The following MYT1L variants were observed in gnomAD, a reference collection of about 807,000 sequenced individuals.
MYT1L encodes myelin transcription factor 1 like.
MYT1L carries 12 observed loss-of-function variants against 126.7 expected under a neutral mutation model. That is an observed-to-expected ratio of 0.09 (90% CI 0.06 to 0.15). MYT1L has a LOEUF of 0.15. Ranked by LOEUF, MYT1L falls within the 10% of genes least tolerant of loss-of-function variation. The pLI is 1.00. For synonymous variants in MYT1L, 541 were observed against 604.2 expected, an observed-to-expected ratio of 0.90 and a Z score of 1.53; for missense variants, 979 against 1,585.2, an observed-to-expected ratio of 0.62 and a Z score of 6.49.
chr2:2,295,604 ACAGACAGAGAGAGAG>A (rs2095666261), intron 1 of MYT1L, among the ~76,000 whole-genome samples: 1 of 79,484 alleles, frequency 1.3e-5, no homozygotes, highest in Non-Finnish European at 2.3e-5. Flanking sequence ...AGAGAGAGAG[ACAGACAGAGAGAGAG>A]AGAGAGACAG....
At chr2:2,175,680 C>T (rs982479122) in intron 2 of MYT1L, among the ~76,000 whole-genome samples, 1 of 150,634 alleles carries the variant, frequency 6.6e-6, no homozygotes, top group East Asian at 1.9e-4. Flanking sequence ...TACATACTTT[C>T]CTGGACCCTT....
chr2:2,277,016 C>T (rs1031565724), intron 2 of MYT1L, among the ~76,000 whole-genome samples: 1 of 151,848 alleles, frequency 6.6e-6, no homozygotes, highest in Admixed American at 6.6e-5. Flanking sequence ...GAGTCTCACT[C>T]TGTTGGCCAG....
At chr2:2,167,000 G>A (rs2089244670) in intron 3 of MYT1L, among the ~76,000 whole-genome samples, 1 of 152,164 alleles carries the variant, frequency 6.6e-6, no homozygotes, top group African/African-American at 2.4e-5. Flanking sequence ...TGATTGAATA[G>A]CATAAAGCAT....
rs79542771 is a variant in MYT1L, at chr2:1,888,138, T to C, written c.2521-529A>G. 8.6e-3 allele frequency among the ~76,000 whole-genome samples: 1,310 copies of C among 152,340 alleles called. 21 individuals carry two copies. The highest frequency in any genetic ancestry group is 0.029 in the African/African-American group (1,211 of 41,582). On this transcript the variant is annotated intron_variant, in intron 16 of 24. Transcript: ENST00000647738. The stretch of plus-strand genomic sequence containing the variant: ...CCTTGTGTGTTCAACTGCAGTAACG[T>C]AGATGTTTCTACAGGTGGCAATGCT...
At chr2:2,294,914 G>A (rs2095649254) in intron 1 of MYT1L, among the ~76,000 whole-genome samples, 1 of 152,174 alleles carries the variant, frequency 6.6e-6, no homozygotes. Flanking sequence ...AGCAATCAAT[G>A]TGCATAAATG....
At position 1,792,707 on chromosome 2, in the gene MYT1L, T is replaced by C. The variant is rs193015196; in HGVS notation, c.3277-243A>G. ...CAACGTGGTTAAACCCTGTCTCTAC[T>C]AAAAATACAAAAATTAGCTGGGCGT... On this transcript the variant is annotated intron_variant, in intron 23 of 24. Coordinates refer to ENST00000647738, the MANE Select transcript of MYT1L (RefSeq NM_001303052.2). Among the ~76,000 whole-genome samples the C allele has an allele frequency of 0.013, 1,981 of 151,854 alleles. 17 individuals are homozygous for C. Among genetic ancestry groups the C allele is most frequent in the Non-Finnish European group, 0.023 (1,558 of 67,926 alleles).
chr2:1,976,965 A>G (rs1574155292), intron 8 of MYT1L, among the ~76,000 whole-genome samples: 1 of 152,236 alleles, frequency 6.6e-6, no homozygotes, highest in Non-Finnish European at 1.5e-5. Flanking sequence ...CTACTGGTCC[A>G]TTAGTGATGT....
intron 13 of MYT1L, among the ~76,000 whole-genome samples, chr2:1,904,399 G>A (rs915741926): frequency 1.6e-4 from 24 of 151,920 alleles, no homozygotes; most frequent in African/African-American, 5.8e-4. Context: ...ATGGAGTCTC[G>A]GTCTGGTGGT....
chr2:1,935,733 C>T (rs1043040791), intron 9 of MYT1L, among the ~76,000 whole-genome samples: 9 of 152,276 alleles, frequency 5.9e-5, no homozygotes, highest in Non-Finnish European at 8.8e-5. Context: ...TCCATCTACC[C>T]GTGGATAAAC....
intron 2 of MYT1L, among the ~76,000 whole-genome samples, chr2:2,279,576 G>T (rs200454711): frequency 1.7e-3 from 232 of 138,994 alleles, no homozygotes; most frequent in Middle Eastern, 6.8e-3. Flanking sequence ...AATGAAGGAA[G>T]GAAGGAAGGA....
chr2:2,203,824 C>G (rs1202545580), intron 2 of MYT1L, among the ~76,000 whole-genome samples: 3 of 152,128 alleles, frequency 2.0e-5, no homozygotes, highest in Non-Finnish European at 4.4e-5. Context: ...GCCAAAAGAA[C>G]AAAGCTGGAG....
intron 18 of MYT1L, among the ~76,000 whole-genome samples, chr2:1,857,329 G>A (rs987673672): frequency 2.0e-5 from 3 of 152,194 alleles, no homozygotes; most frequent in African/African-American, 7.2e-5. Flanking sequence ...AAGGCTAAAA[G>A]GACTCCCAGA....
intron 8 of MYT1L, among the ~76,000 whole-genome samples, chr2:1,978,244 A>T (rs1329200030): frequency 6.6e-6 from 1 of 152,226 alleles, no homozygotes; most frequent in East Asian, 1.9e-4. Flanking sequence ...GATGTGCGGC[A>T]GATGCACCCG....
chr2:1,809,297 G>A, intron 21 of MYT1L, 130 bp from the exon 22 acceptor site: 10 of 838,540 alleles, frequency 1.2e-5, no homozygotes, highest in Admixed American at 1.1e-4. Flanking sequence ...CTGAAAATGA[G>A]AAAAAGCAAA....
At chr2:2,085,857 C>T (rs537645743) in intron 3 of MYT1L, among the ~76,000 whole-genome samples, 2 of 152,350 alleles carry the variant, frequency 1.3e-5, no homozygotes, top group African/African-American at 4.8e-5. Context: ...CCTCTGTCCC[C>T]ACTCGGTTTC....
At chr2:2,058,266 T>C (rs2069879096) in intron 3 of MYT1L, among the ~76,000 whole-genome samples, 1 of 152,240 alleles carries the variant, frequency 6.6e-6, no homozygotes, top group East Asian at 1.9e-4. Context: ...CCCATTTTCT[T>C]ACTACATTGT....
intron 21 of MYT1L, among the ~76,000 whole-genome samples, chr2:1,818,342 T>A (rs1199828396): frequency 6.6e-6 from 1 of 152,156 alleles, no homozygotes; most frequent in Non-Finnish European, 1.5e-5. Flanking sequence ...CGATTCAGTA[T>A]CCTCTGAACA....
chr2:2,222,136 G>A (rs570888664), intron 2 of MYT1L, among the ~76,000 whole-genome samples: 1 of 152,194 alleles, frequency 6.6e-6, no homozygotes, highest in East Asian at 1.9e-4. Context: ...TTAGAGCTCT[G>A]AAAAATATAA....
At chr2:1,901,673 G>C (rs1314382888) in intron 14 of MYT1L, among the ~76,000 whole-genome samples, 2 of 152,196 alleles carry the variant, frequency 1.3e-5, no homozygotes, top group African/African-American at 4.8e-5. Flanking sequence ...CAAGCATTCA[G>C]TTTAAATATT....
Sources: allele counts gnomAD v4.1 joint callset (sites outside exome capture counted in the v4.1 genomes callset), GRCh38; gene constraint gnomAD v4.1.1; transcripts MANE v1.5; gene names NCBI Gene and HGNC (gene_info 2026-07-23, HGNC 2026-07-21).